Variants in AMOT observed in about 807,000 individuals in gnomAD.
AMOT encodes angiomotin.
AMOT carries 11 observed loss-of-function variants against 67.0 expected under a neutral mutation model. That is an observed-to-expected ratio of 0.16 (90% CI 0.10 to 0.27). AMOT has a LOEUF of 0.27. AMOT is among the 10% of genes least tolerant of loss of function. The pLI is 1.00. For synonymous variants in AMOT, 326 were observed against 321.4 expected (o/e 1.01, Z -0.15); for missense variants, 753 against 852.0 (o/e 0.88, Z 1.45).
chrX:112,826,276 C>A (rs1444399421), intron 2 of AMOT, among the ~76,000 whole-genome samples: 7 of 112,087 alleles, frequency 6.2e-5, no homozygotes, highest in Non-Finnish European at 1.3e-4. Context: ...GAAAGCAATG[C>A]AAAAGAAGTA....
intron 8 of AMOT, 78 bp downstream of exon 8, chrX:112,804,869 C>T: frequency 1.7e-6 from 2 of 1,171,904 alleles, no homozygotes; most frequent in South Asian, 3.9e-5. Context: ...TGCCAATTCA[C>T]CACAATGTGG....
At chrX:112,827,933 GC>G (rs983763772) in intron 2 of AMOT, among the ~76,000 whole-genome samples, 1 of 111,716 alleles carries the variant, frequency 9.0e-6, no homozygotes, top group African/African-American at 3.3e-5. Context: ...CTGTTTCTCT[GC>G]TAAATCTTGG....
At chrX:112,805,370 TACACACACACACACACACAC>T (rs55909349) in intron 7 of AMOT, among the ~76,000 whole-genome samples, 10 of 89,578 alleles carry the variant, frequency 1.1e-4, no homozygotes, top group African/African-American at 2.0e-4. Flanking sequence ...ATACAAAGAA[TACACACACACACACACACAC>T]ACACACACAC....
At chrX:112,795,678 C>T (rs761871770) in intron 8 of AMOT, among the ~76,000 whole-genome samples, 10 of 111,189 alleles carry the variant, frequency 9.0e-5, no homozygotes, top group African/African-American at 2.6e-4. Flanking sequence ...GATGCAGAGT[C>T]CCAGTGTTTG....
intron 8 of AMOT, among the ~76,000 whole-genome samples, chrX:112,802,484 G>A (rs565441438): frequency 5.3e-5 from 6 of 112,220 alleles, no homozygotes; most frequent in Non-Finnish European, 9.4e-5. Flanking sequence ...TGCTAGAAGT[G>A]AGCGGGCTTG....
intron 8 of AMOT, among the ~76,000 whole-genome samples, chrX:112,794,394 A>AT (rs1229864191): frequency 9.0e-6 from 1 of 111,656 alleles, no homozygotes; most frequent in African/African-American, 3.3e-5. Flanking sequence ...CACTGGGATG[A>AT]TTTTCCACAA....
At chrX:112,824,172 A>G (rs1412597986) in intron 3 of AMOT, among the ~76,000 whole-genome samples, 1 of 112,200 alleles carries the variant, frequency 8.9e-6, no homozygotes, top group African/African-American at 3.2e-5. Context: ...TCTCAACAAA[A>G]AATGGCTGGT....
At chrX:112,831,850 C>G (rs1377675994) in intron 2 of AMOT, among the ~76,000 whole-genome samples, 1 of 109,523 alleles carries the variant, frequency 9.1e-6, no homozygotes, top group Non-Finnish European at 1.9e-5. Context: ...AAAGATCATT[C>G]AAGGGTTAGG....
intron 9 of AMOT, among the ~76,000 whole-genome samples, chrX:112,791,571 ACTGTTCCTGG>A (rs1933592934): frequency 8.9e-6 from 1 of 112,233 alleles, no homozygotes. Flanking sequence ...TACAGCGTCT[ACTGTTCCTGG>A]AGTTCATGTG....
intron 5 of AMOT, among the ~76,000 whole-genome samples, chrX:112,814,296 G>T (rs1057264098): frequency 9.2e-6 from 1 of 109,030 alleles, no homozygotes; most frequent in Non-Finnish European, 1.9e-5. Context: ...AAGAAAGAAA[G>T]AAAAAAAATC....
intron 8 of AMOT, among the ~76,000 whole-genome samples, chrX:112,795,234 CTCTG>C (rs1449436456): frequency 3.0e-5 from 3 of 98,661 alleles, no homozygotes; most frequent in Admixed American, 1.1e-4. Flanking sequence ...TTCCCTCTTT[CTCTG>C]TCTCTCTCTC....
intron 6 of AMOT, 121 bp from the exon 7 acceptor site, chrX:112,810,107 G>A: frequency 1.9e-6 from 1 of 526,661 alleles, no homozygotes. Context: ...AACAGGAATG[G>A]GTGACTAACA....
In AMOT at chrX:112,781,032, G is replaced by A. The variant is rs1933144772; in HGVS notation, c.2327C>T (p.Thr776Ile). ...TGGCCGCATGCACGACAGCTGCTCT[G>A]TCTTGCTCGGCTCCTTCCGGGAACG... ...QQRSRKEPSKTEQLSCMRPAK... is the reference protein window; with the variant it reads ...QQRSRKEPSKIEQLSCMRPAK... Residue 776 changes from threonine (T) to isoleucine (I), a missense_variant, in exon 12 of 14, where the codon ACA becomes ATA. This residue lies in a region of AMOT where 269 missense variants were observed against 300.9 expected (regional missense o/e 0.89). Transcript: ENST00000371959. 1 of 1,212,071 alleles carries A rather than the reference G, an allele frequency of 8.3e-7. No individual in the cohort carries two copies. Among genetic ancestry groups the A allele is most frequent in the African/African-American group, 1.7e-5 (1 of 57,864 alleles).
intron 1 of AMOT, among the ~76,000 whole-genome samples, chrX:112,837,554 G>GA (rs1935160242): frequency 9.1e-6 from 1 of 109,553 alleles, no homozygotes; most frequent in Admixed American, 9.8e-5. Context: ...TGTGGAAGGG[G>GA]CGACTTCCCT....
At chrX:112,804,872 C>T (rs1407487232) in intron 8 of AMOT, 75 bp downstream of exon 8, 1 of 1,175,274 alleles carries the variant, frequency 8.5e-7, no homozygotes, top group Admixed American at 2.2e-5. Flanking sequence ...CAATTCACCA[C>T]AATGTGGAGC....
intron 10 of AMOT, among the ~76,000 whole-genome samples, chrX:112,783,294 C>CAAAA (rs377256668): frequency 1.6e-4 from 8 of 49,836 alleles, no homozygotes; most frequent in African/African-American, 6.0e-4. Context: ...GACTCTGTCT[C>CAAAA]AAAAAAAAAA....
At chrX:112,795,654 G>C (rs377168314) in intron 8 of AMOT, among the ~76,000 whole-genome samples, 16 of 111,338 alleles carry the variant, frequency 1.4e-4, no homozygotes, top group African/African-American at 5.2e-4. Context: ...CCCCTGGAGA[G>C]GTCTTCAAAT....
intron 4 of AMOT, among the ~76,000 whole-genome samples, chrX:112,819,792 T>C (rs1420431120): frequency 2.7e-5 from 3 of 112,623 alleles, no homozygotes; most frequent in African/African-American, 6.5e-5. Flanking sequence ...AGCAGTTCAC[T>C]GCACCTCGAA....
chrX:112,792,374 A>C (rs974574898), intron 8 of AMOT, among the ~76,000 whole-genome samples: 2 of 112,271 alleles, frequency 1.8e-5, no homozygotes, highest in Admixed American at 1.9e-4. Context: ...TGGTTATTGC[A>C]TTAGGCAAAT....
Sources: allele counts gnomAD v4.1 joint callset (sites outside exome capture counted in the v4.1 genomes callset), GRCh38; gene constraint gnomAD v4.1.1; regional missense constraint gnomAD v4.1.1; transcripts MANE v1.5; gene names NCBI Gene and HGNC (gene_info 2026-07-23, HGNC 2026-07-21).